The following FLACC1 variants were observed in gnomAD, a reference collection of about 807,000 sequenced individuals.
FLACC1 encodes the protein flagellum-associated coiled-coil domain-containing protein 1.
In FLACC1, 66 loss-of-function variants were observed where a neutral mutation model predicts 62.8. The ratio of observed to expected loss-of-function variants is 1.05; its 90% CI spans 0.86 to 1.29. The LOEUF is 1.29. Ranked by LOEUF, FLACC1 falls within the 50% of genes most tolerant of loss-of-function variation. The pLI, the probability that FLACC1 is intolerant of heterozygous loss-of-function variation, is 0.00. For synonymous variants in FLACC1, 156 were observed against 161.0 expected (o/e 0.97, Z 0.24); for missense variants, 452 against 489.1 (o/e 0.92, Z 0.71).
chr2:201,352,660 C>G (rs954639114), intron 1 of FLACC1, among the ~76,000 whole-genome samples: 23 of 152,180 alleles, frequency 1.5e-4, no homozygotes, highest in African/African-American at 5.6e-4. Context: ...GGACTTGGAA[C>G]TGGTAGATTA....
At chr2:201,324,345 G>A (rs1401581954) in intron 9 of FLACC1, among the ~76,000 whole-genome samples, 1 of 152,166 alleles carries the variant, frequency 6.6e-6, no homozygotes, top group African/African-American at 2.4e-5. Flanking sequence ...ACTGGAGCTT[G>A]CAGATTCATA....
chr2:201,363,494 C>T, the FLACC1 span, among the ~76,000 whole-genome samples: 1 of 151,906 alleles, frequency 6.6e-6, no homozygotes, highest in East Asian at 1.9e-4. Context: ...CGCTGCCCCT[C>T]CCCATTCCAA....
At position 201,299,300 on chromosome 2, in the gene FLACC1, C is replaced by T; in HGVS notation, c.880G>A (p.Glu294Lys). ...TCACTTTGATGTTGTTTCAAGAGCT[C>T]CTAAAAACAATTTTATTGGGAAAAG... Reference protein sequence around the residue: ...VFENFIQEKEELLKQHQSDTL... With the variant: ...VFENFIQEKEKLLKQHQSDTL... The change falls in exon 12 of 15, where the codon GAG becomes AAG. Residue 294 changes from glutamate to lysine, a missense_variant and splice_region_variant. Glu to Lys is a moderately conservative substitution (Grantham distance 56). This residue lies in a region of FLACC1 where 301 missense variants were observed against 318.4 expected (regional missense o/e 0.95). Transcript: ENST00000392257. 6.2e-7 allele frequency: 1 copy of T among 1,613,472 alleles called. No individual in the cohort carries two copies. Among genetic ancestry groups the T allele is most frequent in the South Asian group, 1.1e-5 (1 of 90,986 alleles).
rs763658311 is a variant in FLACC1 at position 201,307,584 on chromosome 2, CT to C, written c.813del (p.Glu272LysfsTer6). 8.1e-6 allele frequency: 13 copies of C among 1,614,196 alleles called. No homozygotes were observed. The South Asian group carries it at 1.3e-4, about 16-fold the overall frequency. On this transcript the variant is annotated frameshift_variant, in exon 11 of 15. Transcript: ENST00000392257. LOFTEE classifies it high-confidence loss of function. ...KMTKKFEMES[G>X]EEDKKINESC... ...GATTCATTTATTTTCTTATCTTCTT[CT>C]CCTGACTCCATTTCGAATTTTTTGG...
At chr2:201,340,220 A>C (rs1176323954) in intron 7 of FLACC1, among the ~76,000 whole-genome samples, 5 of 152,188 alleles carry the variant, frequency 3.3e-5, no homozygotes, top group Admixed American at 3.3e-4. Context: ...CAGAGAATTT[A>C]ATCCATTTAC....
At chr2:201,299,800 C>T (rs1949939235) in intron 11 of FLACC1, among the ~76,000 whole-genome samples, 1 of 152,282 alleles carries the variant, frequency 6.6e-6, no homozygotes, top group African/African-American at 2.4e-5. Flanking sequence ...TGTTGTTGAC[C>T]TAAGTATGGA....
At chr2:201,336,973 T>A (rs1950708559) in intron 7 of FLACC1, among the ~76,000 whole-genome samples, 1 of 152,222 alleles carries the variant, frequency 6.6e-6, no homozygotes, top group African/African-American at 2.4e-5. Flanking sequence ...AAATGTCTTT[T>A]AAGAAAGATG....
intron 9 of FLACC1, among the ~76,000 whole-genome samples, chr2:201,328,597 C>T (rs1176397548): frequency 1.3e-5 from 2 of 151,974 alleles, no homozygotes; most frequent in South Asian, 4.1e-4. Flanking sequence ...GACTAATTTT[C>T]GTATTTTCAG....
At chr2:201,356,825 C>T (rs201461950) in intron 1 of FLACC1, among the ~76,000 whole-genome samples, 157 bp downstream of exon 1, 30 of 152,164 alleles carry the variant, frequency 2.0e-4, no homozygotes, top group African/African-American at 5.5e-4. Flanking sequence ...TTTTCTCCCC[C>T]TTTTTTCCCT....
rs554211771 is a variant in FLACC1 at position 201,327,470 on chromosome 2, AAAC to A, written c.675+2997_675+2999del. On this transcript the variant is annotated intron_variant, in intron 9 of 14. Coordinates refer to ENST00000392257, the MANE Select transcript of FLACC1 (RefSeq NM_001127391.3). ...GAATTCAAACAAATCAGCAAGAAAA[AAAC>A]AAATAATCCCATTAAAAAGTGGGCA... Among the ~76,000 whole-genome samples the A allele has an allele frequency of 3.4e-4, 52 of 152,274 alleles. 1 individual carries two copies. In the South Asian group the frequency reaches 0.011, roughly 32 times the overall value.
intron 5 of FLACC1, among the ~76,000 whole-genome samples, chr2:201,345,107 C>T (rs1354078525): frequency 6.6e-6 from 1 of 152,222 alleles, no homozygotes; most frequent in East Asian, 1.9e-4. Flanking sequence ...TTTTATTGTG[C>T]ACAACTGGTG....
intron 12 of FLACC1, among the ~76,000 whole-genome samples, chr2:201,298,087 C>T (rs191752283): frequency 5.9e-5 from 9 of 152,068 alleles, no homozygotes; most frequent in Admixed American, 3.3e-4. Flanking sequence ...GAAACATCAG[C>T]AAGGAGCAGG....
At chr2:201,299,617 CCA>C (rs1418115192) in intron 11 of FLACC1, among the ~76,000 whole-genome samples, 1 of 152,058 alleles carries the variant, frequency 6.6e-6, no homozygotes, top group African/African-American at 2.4e-5. Context: ...CAATGAAATC[CCA>C]GTCAAAATAT....
chr2:201,288,558 A>G lies in FLACC1; in HGVS notation c.*97T>C, dbSNP rs1949642145. On this transcript the variant is annotated 3_prime_UTR_variant, in exon 15 of 15. Coordinates refer to ENST00000392257, the MANE Select transcript of FLACC1 (RefSeq NM_001127391.3). ...TCAGAGCAACCCAAGAACTAAACTC[A>G]TTATATGCATTTTCTCAAGAAAACC... The G allele has an allele frequency of 6.9e-7, 1 of 1,454,978 alleles. No homozygotes were observed. The highest frequency in any genetic ancestry group is 9.3e-7 in the Non-Finnish European group (1 of 1,073,010). The allele number at this position is 1,454,978 out of a possible 1,614,324, so 90.1% of individuals were successfully genotyped here.
chr2:201,321,015 T>C (rs1950393538), intron 9 of FLACC1, among the ~76,000 whole-genome samples: 1 of 152,194 alleles, frequency 6.6e-6, no homozygotes, highest in African/African-American at 2.4e-5. Flanking sequence ...GCCTGCACCA[T>C]TCTGGCTAAC....
chr2:201,359,663 C>T (rs975321643), upstream of FLACC1, among the ~76,000 whole-genome samples: 4 of 152,102 alleles, frequency 2.6e-5, no homozygotes, highest in African/African-American at 9.7e-5. Context: ...TCAGCAATGT[C>T]CTTGGAGAAC....
At chr2:201,342,232 G>A in intron 7 of FLACC1, 138 bp downstream of exon 7, 3 of 789,886 alleles carry the variant, frequency 3.8e-6, no homozygotes, top group Non-Finnish European at 4.2e-6. Flanking sequence ...AAAGACACGT[G>A]TCTTGTTCAT....
chr2:201,333,767 G>T (rs1189814056), intron 7 of FLACC1, among the ~76,000 whole-genome samples: 2 of 152,140 alleles, frequency 1.3e-5, no homozygotes, highest in African/African-American at 4.8e-5. Flanking sequence ...GTATTCCATG[G>T]TGTATATGTG....
At chr2:201,302,844 A>G (rs1181046619) in intron 11 of FLACC1, among the ~76,000 whole-genome samples, 8 of 152,186 alleles carry the variant, frequency 5.3e-5, no homozygotes, top group East Asian at 1.9e-4. Flanking sequence ...GGTACATAAC[A>G]AAATGAAGGC....
Sources: gnomAD v4.1 joint callset for allele counts (sites outside exome capture counted in the v4.1 genomes callset) on GRCh38, gnomAD v4.1.1 for gene constraint, gnomAD v4.1.1 regional missense constraint, MANE v1.5 for transcripts, NCBI Gene and HGNC (gene_info 2026-07-23, HGNC 2026-07-21) for gene names.